Variants in DGAT2L6 observed in about 807,000 individuals in gnomAD.
DGAT2L6 encodes diacylglycerol O-acyltransferase 2-like protein 6.
In DGAT2L6, 22 loss-of-function variants were observed where a neutral mutation model predicts 25.5. The ratio of observed to expected loss-of-function variants is 0.86; its 90% CI spans 0.62 to 1.23. The LOEUF (loss-of-function observed/expected upper bound fraction) is 1.23. Ranked by LOEUF, DGAT2L6 falls within the 50% of genes most tolerant of loss-of-function variation. The pLI, the probability that DGAT2L6 is intolerant of heterozygous loss-of-function variation, is 0.00. For missense variants in DGAT2L6, 287 were observed against 253.2 expected, an observed-to-expected ratio of 1.13 and a Z score of -0.91; for synonymous variants, 100 against 94.7, an observed-to-expected ratio of 1.06 and a Z score of -0.32.
intron 1 of DGAT2L6, among the ~76,000 whole-genome samples, chrX:70,184,524 G>T: frequency 9.1e-6 from 1 of 109,885 alleles, no homozygotes; most frequent in Non-Finnish European, 1.9e-5. Flanking sequence ...GAGTGCAGTG[G>T]TATGATCATA....
intron 4 of DGAT2L6, among the ~76,000 whole-genome samples, chrX:70,200,747 A>G (rs1437906408): frequency 9.0e-6 from 1 of 111,658 alleles, no homozygotes; most frequent in Non-Finnish European, 1.9e-5. Context: ...CCAAAGTGCA[A>G]ATCGAGGATG....
chrX:70,198,356 GTTGTT>G lies in DGAT2L6; in HGVS notation c.86-907_86-903del, dbSNP rs766155318. 2.1e-4 allele frequency among the ~76,000 whole-genome samples: 24 copies of G among 111,791 alleles called. No individual in the cohort carries two copies. The East Asian group carries it at 2.5e-3, about 12-fold the overall frequency. ...ACACAGTAAAGTGTTTTTTGTTGTT[GTTGTT>G]TTGTTTTTTGTTTTTTTGGTTTTTT... is the stretch of plus-strand genomic sequence containing the variant. On this transcript the variant is annotated intron_variant, in intron 1 of 6. Transcript: ENST00000333026.
intron 1 of DGAT2L6, among the ~76,000 whole-genome samples, chrX:70,198,843 A>G (rs992768374): frequency 8.9e-6 from 1 of 112,249 alleles, no homozygotes; most frequent in African/African-American, 3.2e-5. Flanking sequence ...AGCATCAAAC[A>G]GCCTGTACAC....
chrX:70,192,905 C>T (rs906392186), intron 1 of DGAT2L6, among the ~76,000 whole-genome samples: 19 of 111,614 alleles, frequency 1.7e-4, no homozygotes, highest in African/African-American at 6.2e-4. Flanking sequence ...AAAAGACTAC[C>T]ATGAACAATC....
Position 70,205,363 on chromosome X carries a change from ACC to A in DGAT2L6, c.*260_*261del, listed in dbSNP as rs1793814798. On this transcript the variant is annotated 3_prime_UTR_variant, in exon 7 of 7. Transcript: ENST00000333026. Reference sequence around the variant, plus strand: ...GCTAGCCAGAGGAGTTGGCTGTATCACCCCTGGTTATTTTAGGGCAACAACCC... The same window carrying A: ...GCTAGCCAGAGGAGTTGGCTGTATCACCTGGTTATTTTAGGGCAACAACCC... 3.5e-6 allele frequency: 1 copy of A among 285,099 alleles called. No homozygotes were observed. Among genetic ancestry groups the A allele is most frequent in the Admixed American group, 6.3e-5 (1 of 15,888 alleles). 23.5% of individuals were successfully genotyped at this position (285,099 alleles called of 1,213,427 possible).
chrX:70,178,320 G>A (rs779369149), intron 1 of DGAT2L6, among the ~76,000 whole-genome samples: 62 of 110,563 alleles, frequency 5.6e-4, no homozygotes, highest in African/African-American at 2.0e-3. Flanking sequence ...GAAAATCTGA[G>A]GGCTGCCTGA....
At chrX:70,200,521 G>A in intron 4 of DGAT2L6, 62 bp downstream of exon 4, 1 of 1,039,199 alleles carries the variant, frequency 9.6e-7, no homozygotes, top group Non-Finnish European at 1.3e-6. Context: ...ACCCCAATAA[G>A]TCCTGACAAT....
chrX:70,180,809 T>C (rs1385285475), intron 1 of DGAT2L6, among the ~76,000 whole-genome samples: 1 of 112,543 alleles, frequency 8.9e-6, no homozygotes, highest in Non-Finnish European at 1.9e-5. Context: ...GTGTTTGTCC[T>C]TTCATGATTG....
intron 1 of DGAT2L6, among the ~76,000 whole-genome samples, chrX:70,186,811 C>T (rs1289753475): frequency 3.6e-5 from 4 of 111,887 alleles, no homozygotes; most frequent in East Asian, 5.6e-4. Flanking sequence ...CACTAGGCTA[C>T]GAAACACTTT....
intron 4 of DGAT2L6, among the ~76,000 whole-genome samples, chrX:70,201,588 G>A (rs2085410590): frequency 9.0e-6 from 1 of 110,630 alleles, no homozygotes; most frequent in African/African-American, 3.3e-5. Flanking sequence ...GGTAGAGAGG[G>A]ATGAGGTGGG....
At chrX:70,186,528 T>C (rs2085360214) in intron 1 of DGAT2L6, among the ~76,000 whole-genome samples, 1 of 111,575 alleles carries the variant, frequency 9.0e-6, no homozygotes, top group African/African-American at 3.3e-5. Flanking sequence ...GTTGAGGGAA[T>C]GGGAAGTAGA....
chrX:70,200,558 A>G, intron 4 of DGAT2L6, 99 bp downstream of exon 4: 2 of 811,701 alleles, frequency 2.5e-6, no homozygotes, highest in Non-Finnish European at 3.5e-6. Flanking sequence ...AGTACATGAT[A>G]GAAAATAAGT....
Position 70,202,066 on chromosome X carries a change from T to C in DGAT2L6, c.647+2T>C. The C allele has an allele frequency of 8.5e-7, 1 of 1,183,194 alleles. No individual in the cohort carries two copies. The highest frequency in any genetic ancestry group is 1.1e-6 in the Non-Finnish European group (1 of 881,570). On this transcript the variant is annotated splice_donor_variant, in intron 5 of 6. Transcript: ENST00000333026. LOFTEE classifies it high-confidence loss of function. ...TGTGAAGATGGCACTGCAAACAGGGTGGGTTCCAAGGTTCTAGTGCTCTGT... is the reference window on the plus strand; with the variant it reads ...TGTGAAGATGGCACTGCAAACAGGGCGGGTTCCAAGGTTCTAGTGCTCTGT...
At chrX:70,180,288 A>G (rs2085339448) in intron 1 of DGAT2L6, among the ~76,000 whole-genome samples, 1 of 110,211 alleles carries the variant, frequency 9.1e-6, no homozygotes, top group African/African-American at 3.3e-5. Context: ...ATCTCTACTA[A>G]AAATAGAAAA....
Position 70,205,524 on chromosome X carries a change from T to A in DGAT2L6, c.*418T>A, listed in dbSNP as rs753784642. On this transcript the variant is annotated 3_prime_UTR_variant, in exon 7 of 7. Transcript: ENST00000333026. ...AAGCTTTATTTGGAACAGGGATAGTTTGTTTCCTCTTGGTCCTTTCCTTAC... is the reference window on the plus strand; with the variant it reads ...AAGCTTTATTTGGAACAGGGATAGTATGTTTCCTCTTGGTCCTTTCCTTAC... 67 of 117,907 alleles carry A rather than the reference T, an allele frequency of 5.7e-4. No individual in the cohort carries two copies. Among genetic ancestry groups the A allele is most frequent in the Non-Finnish European group, 1.0e-3 (59 of 57,419 alleles). The allele number at this position is 117,907 out of a possible 1,213,427, so 9.7% of individuals were successfully genotyped here.
intron 1 of DGAT2L6, among the ~76,000 whole-genome samples, chrX:70,179,509 G>A (rs1478419502): frequency 2.8e-5 from 3 of 108,624 alleles, no homozygotes; most frequent in Admixed American, 9.9e-5. Context: ...CTATGTGAGC[G>A]GGTCCTTTTA....
intron 1 of DGAT2L6, among the ~76,000 whole-genome samples, chrX:70,188,976 C>CAAAAAAAAAAAAAAAAAA (rs200306182): frequency 2.4e-5 from 1 of 42,318 alleles, no homozygotes; most frequent in Non-Finnish European, 4.8e-5. Flanking sequence ...AGGGCATCTA[C>CAAAAAAAAAAAAAAAAAA]AAAAAAAAAA....
chrX:70,196,031 C>A (rs1250556109), intron 1 of DGAT2L6, among the ~76,000 whole-genome samples: 3 of 111,643 alleles, frequency 2.7e-5, no homozygotes, highest in Non-Finnish European at 5.6e-5. Context: ...AATCATCACA[C>A]AATGTATACC....
rs748865054 is a variant in DGAT2L6, at chrX:70,193,828, A to C, written c.86-5443A>C. Among the ~76,000 whole-genome samples, 11 of 112,384 alleles carry C rather than the reference A, an allele frequency of 9.8e-5. No individual in the cohort carries two copies. In the South Asian group the frequency reaches 4.1e-3, roughly 41 times the overall value. On this transcript the variant is annotated intron_variant, in intron 1 of 6. Transcript: ENST00000333026. Reference sequence around the variant, plus strand: ...TGAAAAGCTGAAAGCTTTTCCTCTAAGATTAGAAACAAGGCAAGGGTGCTC... The same window carrying C: ...TGAAAAGCTGAAAGCTTTTCCTCTACGATTAGAAACAAGGCAAGGGTGCTC...
Sources: allele counts gnomAD v4.1 joint callset (sites outside exome capture counted in the v4.1 genomes callset), GRCh38; gene constraint gnomAD v4.1.1; transcripts MANE v1.5; gene names NCBI Gene and HGNC (gene_info 2026-07-23, HGNC 2026-07-21).